The following COL24A1 variants were observed in gnomAD, a reference collection of about 807,000 sequenced individuals.
The protein encoded by COL24A1 is collagen alpha-1(XXIV) chain.
A neutral mutation model predicts 253.9 loss-of-function variants in COL24A1; 224 were observed. That is an observed-to-expected ratio of 0.88 (90% CI 0.79 to 0.99). The LOEUF (loss-of-function observed/expected upper bound fraction) is 0.99, where lower values mean the gene tolerates loss of function less well. COL24A1 is among the 50% of genes least tolerant of loss of function. The probability of loss-of-function intolerance (pLI) is 0.00; values close to 1 mark genes in which losing one functional copy is unlikely to be tolerated. For missense variants in COL24A1, 2,131 were observed against 2,068.5 expected (o/e 1.03, Z -0.59); for synonymous variants, 685 against 673.7 (o/e 1.02, Z -0.26).
chr1:86,145,844 A>T (rs1055804602), intron 2 of COL24A1, among the ~76,000 whole-genome samples: 2 of 152,068 alleles, frequency 1.3e-5, no homozygotes, highest in Non-Finnish European at 2.9e-5. Context: ...ATGAAGTCAC[A>T]AGCAAAGCCT....
intron 47 of COL24A1, among the ~76,000 whole-genome samples, chr1:85,789,140 A>G (rs984491650): frequency 2.6e-5 from 4 of 152,216 alleles, no homozygotes; most frequent in African/African-American, 9.6e-5. Context: ...TTGAATCTAT[A>G]AATTACTTTG....
chr1:85,849,857 T>A (rs1198555235), intron 37 of COL24A1, among the ~76,000 whole-genome samples: 1 of 152,152 alleles, frequency 6.6e-6, no homozygotes, highest in Non-Finnish European at 1.5e-5. Context: ...CTTCTGCCTA[T>A]CCAATGAAGT....
intron 47 of COL24A1, among the ~76,000 whole-genome samples, chr1:85,807,905 A>G (rs1388770478): frequency 6.6e-6 from 1 of 152,194 alleles, no homozygotes; most frequent in African/African-American, 2.4e-5. Context: ...CTGGAAATAA[A>G]CACTGTGGTC....
chr1:85,864,862 C>T (rs1679604275), intron 37 of COL24A1, among the ~76,000 whole-genome samples: 1 of 152,162 alleles, frequency 6.6e-6, no homozygotes, highest in African/African-American at 2.4e-5. Context: ...AGTTGCAAAT[C>T]TGTTCAGATC....
chr1:85,897,854 A>G (rs1375278702), intron 28 of COL24A1, among the ~76,000 whole-genome samples: 1 of 152,198 alleles, frequency 6.6e-6, no homozygotes, highest in South Asian at 2.1e-4. Flanking sequence ...ACAGAGAGAT[A>G]AGACATGCCA....
chr1:85,768,404 C>A (rs910051548), intron 53 of COL24A1, among the ~76,000 whole-genome samples: 2 of 151,830 alleles, frequency 1.3e-5, no homozygotes, highest in Non-Finnish European at 2.9e-5. Flanking sequence ...GAGAATAGAT[C>A]GTAGTGGGGG....
At chr1:86,063,827 G>C in intron 7 of COL24A1, 68 bp from the exon 8 acceptor site, 1 of 1,180,348 alleles carries the variant, frequency 8.5e-7, no homozygotes, top group South Asian at 2.5e-5. Context: ...CGAAACATAG[G>C]TTGCAAGTTG....
chr1:85,864,392 G>A (rs556488800), intron 37 of COL24A1, among the ~76,000 whole-genome samples: 6 of 145,248 alleles, frequency 4.1e-5, no homozygotes, highest in East Asian at 2.2e-4. Flanking sequence ...ACACACTGTC[G>A]TGGGATGGGG....
intron 5 of COL24A1, among the ~76,000 whole-genome samples, chr1:86,103,743 A>C (rs1030392636): frequency 4.6e-5 from 7 of 152,220 alleles, no homozygotes; most frequent in African/African-American, 1.7e-4. Flanking sequence ...GTTTCTGCTG[A>C]AAGGTCTGCT....
At chr1:85,836,020 C>A (rs549031968) in intron 43 of COL24A1, among the ~76,000 whole-genome samples, 2 of 152,170 alleles carry the variant, frequency 1.3e-5, no homozygotes, top group Non-Finnish European at 1.5e-5. Flanking sequence ...TCTCCAAAAA[C>A]GAAGGGACAC....
At chr1:85,998,708 A>C (rs1695107659) in intron 19 of COL24A1, among the ~76,000 whole-genome samples, 1 of 152,176 alleles carries the variant, frequency 6.6e-6, no homozygotes, top group African/African-American at 2.4e-5. Flanking sequence ...GTACTGTCCA[A>C]GATAACGAGA....
rs1308769836 is a variant in COL24A1, at chr1:85,782,257, T to A, written c.4285-984A>T. Among the ~76,000 whole-genome samples, 19 of 152,274 alleles carry A rather than the reference T, an allele frequency of 1.2e-4. 1 individual carries two copies. The East Asian group carries it at 3.7e-3, about 29-fold the overall frequency. ...ATGTGCCACCATGCCCAGCTAAATT[T>A]AAATATTTTTATTAGAGATGGGGTT... On this transcript the variant is annotated intron_variant, in intron 51 of 59. Coordinates refer to ENST00000370571, the MANE Select transcript of COL24A1 (RefSeq NM_152890.7).
At chr1:85,971,673 G>A (rs1017672674) in intron 20 of COL24A1, among the ~76,000 whole-genome samples, 8 of 152,074 alleles carry the variant, frequency 5.3e-5, no homozygotes, top group South Asian at 2.1e-4. Flanking sequence ...TTTCTAAAAC[G>A]GAAGCAATGG....
At chr1:85,872,528 ACAC>A (rs1289824569) in intron 35 of COL24A1, among the ~76,000 whole-genome samples, 1 of 152,158 alleles carries the variant, frequency 6.6e-6, no homozygotes, top group Non-Finnish European at 1.5e-5. Context: ...CTCAGAAATA[ACAC>A]CACATCTCTA....
intron 57 of COL24A1, among the ~76,000 whole-genome samples, chr1:85,743,119 G>A (rs1423112561): frequency 1.3e-5 from 2 of 152,012 alleles, no homozygotes; most frequent in South Asian, 2.1e-4. Flanking sequence ...TCACTTCTTC[G>A]CTCAGCAATT....
At chr1:85,832,242 T>C (rs536964379) in intron 43 of COL24A1, among the ~76,000 whole-genome samples, 12 of 152,172 alleles carry the variant, frequency 7.9e-5, no homozygotes, top group African/African-American at 2.6e-4. Context: ...GTTGTAGATA[T>C]GTGGCATTAT....
At position 85,989,366 on chromosome 1, in the gene COL24A1, T is replaced by A. The variant is rs184277047; in HGVS notation, c.2311-1712A>T. On this transcript the variant is annotated intron_variant, in intron 19 of 59. Coordinates refer to ENST00000370571, the MANE Select transcript of COL24A1 (RefSeq NM_152890.7). ...TATACTCTGAATACTTATTTTTCCC[T>A]CCCCACCACCACCACGACCATCTTC... Among the ~76,000 whole-genome samples the A allele has an allele frequency of 3.7e-4, 56 of 152,060 alleles. 1 individual carries two copies. The highest frequency in any genetic ancestry group is 1.3e-3 in the African/African-American group (54 of 41,476).
At chr1:85,945,311 G>A (rs117188217) in intron 24 of COL24A1, among the ~76,000 whole-genome samples, 9,087 of 151,432 alleles carry the variant, frequency 0.06, 579 homozygotes, top group Admixed American at 0.2. Flanking sequence ...GAGCCACTGC[G>A]CCCGGCCGAG....
intron 3 of COL24A1, among the ~76,000 whole-genome samples, chr1:86,117,932 C>T (rs1272281287): frequency 6.6e-6 from 1 of 152,170 alleles, no homozygotes; most frequent in Non-Finnish European, 1.5e-5. Flanking sequence ...GCCTTAGTTT[C>T]CTCACCTTTA....
Sources: gnomAD v4.1 joint callset for allele counts (sites outside exome capture counted in the v4.1 genomes callset) on GRCh38, gnomAD v4.1.1 for gene constraint, MANE v1.5 for transcripts, NCBI Gene and HGNC (gene_info 2026-07-23, HGNC 2026-07-21) for gene names.